Variants in LTB4R observed in about 807,000 individuals in gnomAD.
The protein encoded by LTB4R is leukotriene B4 receptor 1.
For missense variants in LTB4R, 470 were observed against 485.6 expected (o/e 0.97, Z 0.30); for synonymous variants, 250 against 230.7 (o/e 1.08, Z -0.76).
intron 1 of LTB4R, 73 bp downstream of exon 1, chr14:24,311,877 ACTTGGGGCAGGCC>A (rs2041715775): frequency 2.5e-6 from 2 of 812,496 alleles, no homozygotes; most frequent in African/African-American, 3.5e-5. Flanking sequence ...ATTACTATAC[ACTTGGGGCAGGCC>A]CAGGCTCCTC....
intron 1 of LTB4R, among the ~76,000 whole-genome samples, chr14:24,312,216 G>A (rs768479312): frequency 2.9e-4 from 44 of 152,354 alleles, no homozygotes; most frequent in Admixed American, 2.0e-3. Context: ...AACCACTCTG[G>A]AAATAAAGGA....
chr14:24,316,683 C>T lies in LTB4R; in HGVS notation c.1032C>T (p.Ser344=), dbSNP rs768664022. 4.5e-6 allele frequency: 7 copies of T among 1,539,002 alleles called. No individual in the cohort carries two copies. In the South Asian group the frequency reaches 8.4e-5, roughly 18 times the overall value. ...CTTCCGAGAGCCTCACTGCCTCCAG[C>T]CCTCTCAAGTTAAACGAACTGAACT... ...PGPSESLTAS[S]PLKLNELN The change falls in exon 2 of 2, where the codon AGC becomes AGT. Residue 344 remains serine, a synonymous_variant. Coordinates refer to ENST00000345363, the MANE Select transcript of LTB4R (RefSeq NM_001143919.3).
In LTB4R at chr14:24,315,845, T is replaced by A; in HGVS notation, c.194T>A (p.Leu65Gln). 1 of 1,614,234 alleles carries A rather than the reference T, an allele frequency of 6.2e-7. No homozygotes were observed. Among genetic ancestry groups the A allele is most frequent in the Non-Finnish European group, 8.5e-7 (1 of 1,180,032 alleles). Residue 65 changes from leucine (L) to glutamine (Q), a missense_variant, in exon 2 of 2, where the codon CTG becomes CAG. Physicochemically the swap from Leu to Gln is moderately radical, Grantham distance 113. Transcript: ENST00000345363. Reference sequence around the variant, plus strand: ...GTGCTGAACCTGGCCCTGGCCGACCTGGCCGTATTGCTCACTGCTCCCTTT... The same window carrying A: ...GTGCTGAACCTGGCCCTGGCCGACCAGGCCGTATTGCTCACTGCTCCCTTT... The part of the protein sequence containing the change: ...LMVLNLALAD[L>Q]AVLLTAPFFL...
Position 24,316,747 on chromosome 14 carries a change from A to T in LTB4R, c.*37A>T. On this transcript the variant is annotated 3_prime_UTR_variant, in exon 2 of 2. Coordinates refer to ENST00000345363, the MANE Select transcript of LTB4R (RefSeq NM_001143919.3). ...GGAGGCGCACTTTCCTCCTGGCAGA[A>T]TGCTAGCTCTGAGCCAGTTCAGTAC... 2.7e-6 allele frequency: 4 copies of T among 1,465,068 alleles called. No individual in the cohort carries two copies. The South Asian group carries it at 5.3e-5, about 19-fold the overall frequency. 90.8% of individuals were successfully genotyped at this position (1,465,068 alleles called of 1,614,324 possible). A position where few individuals can be genotyped will look rare whatever the true frequency, so the allele number is the denominator to read the frequency against.
At chr14:24,315,333 G>T (rs543030178) in intron 1 of LTB4R, among the ~76,000 whole-genome samples, 1 of 152,214 alleles carries the variant, frequency 6.6e-6, no homozygotes, top group South Asian at 2.1e-4. Flanking sequence ...TGGGCTTTAG[G>T]GTCTCCTAAG....
Position 24,316,027 on chromosome 14 carries a change from C to T in LTB4R, c.376C>T (p.Gln126Ter). 6.2e-7 allele frequency: 1 copy of T among 1,613,844 alleles called. No homozygotes were observed. Among genetic ancestry groups the T allele is most frequent in the Non-Finnish European group, 8.5e-7 (1 of 1,180,036 alleles). Residue 126 changes from glutamine (Q) to a stop codon, truncating the protein, a stop_gained, in exon 2 of 2, where the codon CAG (glutamine) becomes TAG (stop). Transcript: ENST00000345363. LOFTEE classifies it low-confidence loss of function (END_TRUNC). The part of the protein sequence containing the change: ...SLAVARPFVS[Q>*]KLRTKAMARR... Reference sequence around the variant, plus strand: ...GGCGGTGGCCCGCCCCTTTGTGTCCCAGAAGCTACGCACCAAGGCGATGGC... The same window carrying T: ...GGCGGTGGCCCGCCCCTTTGTGTCCTAGAAGCTACGCACCAAGGCGATGGC...
At chr14:24,312,282 C>T (rs1244080588) in intron 1 of LTB4R, among the ~76,000 whole-genome samples, 2 of 152,206 alleles carry the variant, frequency 1.3e-5, no homozygotes, top group Non-Finnish European at 2.9e-5. Flanking sequence ...GGGATCCATT[C>T]TCTGAGGCTT....
At position 24,316,423 on chromosome 14, in the gene LTB4R, C is replaced by G. The variant is rs772421776; in HGVS notation, c.772C>G (p.Leu258Val). The change falls in exon 2 of 2, where the codon CTC (leucine) becomes GTC (valine). Residue 258 changes from leucine to valine, a missense_variant. Transcript: ENST00000345363. ...GGCCGGCCAGGCCGCCGGGTTAGGG[C>G]TCGTGGGGAAGCGGCTGAGCCTGGC... is the stretch of plus-strand genomic sequence containing the variant. ...ALAGQAAGLG[L>V]VGKRLSLARN... 18 of 1,577,124 alleles carry G rather than the reference C, an allele frequency of 1.1e-5. No individual in the cohort carries two copies. The African/African-American group carries it at 2.3e-4, about 20-fold the overall frequency.
chr14:24,315,802 T>C lies in LTB4R; in HGVS notation c.151T>C (p.Ser51Pro). Reference sequence around the variant, plus strand: ...TATCCTGAAAAGGATGCAGAAGCGCTCTGTCACTGCCCTGATGGTGCTGAA... The same window carrying C: ...TATCCTGAAAAGGATGCAGAAGCGCCCTGTCACTGCCCTGATGGTGCTGAA... ...WSILKRMQKR[S>P]VTALMVLNLA... Residue 51 changes from serine to proline, a missense_variant, in exon 2 of 2, where the codon TCT (serine) becomes CCT (proline). By Grantham distance (74) the Ser-to-Pro change is moderately conservative (BLOSUM62 -1). Coordinates refer to ENST00000345363, the MANE Select transcript of LTB4R (RefSeq NM_001143919.3). The C allele has an allele frequency of 1.2e-6, 2 of 1,614,240 alleles. No homozygotes were observed. Among genetic ancestry groups the C allele is most frequent in the Non-Finnish European group, 1.7e-6 (2 of 1,180,038 alleles).
intron 1 of LTB4R, among the ~76,000 whole-genome samples, chr14:24,312,245 A>G (rs1173753228): frequency 6.6e-6 from 1 of 152,224 alleles, no homozygotes; most frequent in Non-Finnish European, 1.5e-5. Flanking sequence ...AAGGAGAGGT[A>G]TGGGAGCTTG....
At position 24,311,813 on chromosome 14, in the gene LTB4R, T is replaced by C; in HGVS notation, c.-16+9T>C. The C allele has an allele frequency of 7.4e-7, 1 of 1,354,550 alleles. No homozygotes were observed. The highest frequency in any genetic ancestry group is 1.0e-6 in the Non-Finnish European group (1 of 1,001,086). The allele number at this position is 1,354,550 out of a possible 1,614,324, so 83.9% of individuals were successfully genotyped here. On this transcript the variant is annotated intron_variant, in intron 1 of 1. Transcript: ENST00000345363. ...CCACCCACCCTCCAGAGGTCAGTGT[T>C]CTGGGACATTTGGGGACCCTTCTTT...
chr14:24,315,607 C>G (rs1351531492), intron 1 of LTB4R, 30 bp from the exon 2 acceptor site: 5 of 1,481,998 alleles, frequency 3.4e-6, no homozygotes, highest in Admixed American at 1.7e-5. Context: ...GTCCTCTACT[C>G]TCATGCGTGT....
rs1384406953 is a variant in LTB4R at position 24,316,001 on chromosome 14, T to G, written c.350T>G (p.Leu117Arg). The change falls in exon 2 of 2, where the codon CTG becomes CGG. Residue 117 changes from leucine (L) to arginine (R), a missense_variant. By Grantham distance (102) the Leu-to-Arg change is moderately radical. Transcript: ENST00000345363. ...LITAMSLDRS[L>R]AVARPFVSQK... ...ACGGCCATGAGTCTAGACCGCTCACTGGCGGTGGCCCGCCCCTTTGTGTCC... is the reference window on the plus strand; with the variant it reads ...ACGGCCATGAGTCTAGACCGCTCACGGGCGGTGGCCCGCCCCTTTGTGTCC... The G allele has an allele frequency of 1.9e-6, 3 of 1,613,822 alleles. No individual in the cohort carries two copies. The highest frequency in any genetic ancestry group is 1.3e-5 in the African/African-American group (1 of 74,952).
At position 24,315,992 on chromosome 14, in the gene LTB4R, A is replaced by C. The variant is rs1459287253; in HGVS notation, c.341A>C (p.Asp114Ala). 3 of 1,613,944 alleles carry C rather than the reference A, an allele frequency of 1.9e-6. No individual in the cohort carries two copies. The Admixed American group carries it at 5.0e-5, about 27-fold the overall frequency. Residue 114 changes from aspartate to alanine, a missense_variant, in exon 2 of 2, where the codon GAC (aspartate) becomes GCC (alanine). Asp to Ala is a moderately radical substitution (Grantham distance 126). Coordinates refer to ENST00000345363, the MANE Select transcript of LTB4R (RefSeq NM_001143919.3). ...CTGCTTATCACGGCCATGAGTCTAGACCGCTCACTGGCGGTGGCCCGCCCC... is the reference window on the plus strand; with the variant it reads ...CTGCTTATCACGGCCATGAGTCTAGCCCGCTCACTGGCGGTGGCCCGCCCC... Reference protein sequence around the residue: ...SVLLITAMSLDRSLAVARPFV... With the variant: ...SVLLITAMSLARSLAVARPFV...
chr14:24,311,844 G>A (rs1034748696), intron 1 of LTB4R, 40 bp downstream of exon 1: 1 of 1,102,990 alleles, frequency 9.1e-7, no homozygotes, highest in East Asian at 2.6e-5. Flanking sequence ...TCTTTGACTA[G>A]AGTTTGGATC....
Position 24,317,152 on chromosome 14 carries a change from G to A in LTB4R, c.*442G>A, listed in dbSNP as rs1326526933. 5.8e-6 allele frequency: 1 copy of A among 171,376 alleles called. No individual in the cohort carries two copies. Among genetic ancestry groups the A allele is most frequent in the Non-Finnish European group, 1.4e-5 (1 of 71,060 alleles). The allele number at this position is 171,376 out of a possible 1,614,324, so 10.6% of individuals were successfully genotyped here. A position where few individuals can be genotyped will look rare whatever the true frequency, so the allele number is the denominator to read the frequency against. ...AATACTTAGCAAAACGCAGTCTACA[G>A]ACTCCTAAAGCAGCTTGTCTAGGAA... On this transcript the variant is annotated 3_prime_UTR_variant, in exon 2 of 2. Transcript: ENST00000345363.
chr14:24,316,119 C>A lies in LTB4R; in HGVS notation c.468C>A (p.Arg156=). ...FLLATPVLAY[R]TVVPWKTNMS... ...TGGCCACACCCGTCCTCGCGTACCG[C>A]ACAGTAGTGCCCTGGAAAACGAACA... The change falls in exon 2 of 2, where the codon CGC becomes CGA. Residue 156 remains arginine (R), a synonymous_variant. Coordinates refer to ENST00000345363, the MANE Select transcript of LTB4R (RefSeq NM_001143919.3). The A allele has an allele frequency of 8.1e-6, 13 of 1,613,796 alleles. No individual in the cohort carries two copies. Among genetic ancestry groups the A allele is most frequent in the Non-Finnish European group, 9.3e-6 (11 of 1,180,052 alleles).
In LTB4R at chr14:24,316,518, C is replaced by T. The variant is rs1378289583; in HGVS notation, c.867C>T (p.Gly289=). Reference sequence around the variant, plus strand: ...ACCCCGTGCTGTACGCGTGCGCCGGCGGCGGCCTGCTGCGCTCGGCGGGCG... The same window carrying T: ...ACCCCGTGCTGTACGCGTGCGCCGGTGGCGGCCTGCTGCGCTCGGCGGGCG... ...SVNPVLYACA[G]GGLLRSAGVG... Residue 289 remains glycine (G), a synonymous_variant, in exon 2 of 2, where the codon GGC becomes GGT. Transcript: ENST00000345363. The T allele has an allele frequency of 6.8e-7, 1 of 1,477,484 alleles. No individual in the cohort carries two copies. Among genetic ancestry groups the T allele is most frequent in the Admixed American group, 2.6e-5 (1 of 37,848 alleles). The allele number at this position is 1,477,484 out of a possible 1,614,324, so 91.5% of individuals were successfully genotyped here. A position where few individuals can be genotyped will look rare whatever the true frequency, so the allele number is the denominator to read the frequency against.
intron 1 of LTB4R, among the ~76,000 whole-genome samples, chr14:24,312,983 C>T (rs1359786446): frequency 1.3e-5 from 2 of 152,228 alleles, no homozygotes; most frequent in Non-Finnish European, 2.9e-5. Context: ...TCACACCTCC[C>T]TGCTTCCCAG....
Sources: allele counts gnomAD v4.1 joint callset (sites outside exome capture counted in the v4.1 genomes callset), GRCh38; gene constraint gnomAD v4.1.1; transcripts MANE v1.5; gene names NCBI Gene and HGNC (gene_info 2026-07-23, HGNC 2026-07-21).